Variants in JHY observed in about 807,000 individuals in gnomAD.
JHY encodes the protein jhy protein homolog.
A neutral mutation model predicts 78.0 loss-of-function variants in JHY; 69 were observed. The observed-to-expected ratio is 0.88, with a 90% CI of 0.73 to 1.08. JHY has a LOEUF of 1.08. JHY is among the 50% of genes least tolerant of loss of function. JHY has a pLI of 0.00. For synonymous variants in JHY, 368 were observed against 342.6 expected, an observed-to-expected ratio of 1.07 and a Z score of -0.82; for missense variants, 944 against 927.8, an observed-to-expected ratio of 1.02 and a Z score of -0.23.
At chr11:122,900,489 A>G (rs536580783) in intron 2 of JHY, among the ~76,000 whole-genome samples, 93 of 138,760 alleles carry the variant, frequency 6.7e-4, no homozygotes, top group African/African-American at 2.4e-3. Flanking sequence ...CAAAGAGGCC[A>G]TTAAATATGC....
intron 6 of JHY, among the ~76,000 whole-genome samples, chr11:122,954,794 A>G (rs1302275267): frequency 7.5e-6 from 1 of 132,708 alleles, no homozygotes; most frequent in East Asian, 2.1e-4. Flanking sequence ...ACCTGGCCTC[A>G]AACTAAATAA....
At chr11:122,957,556 CTTT>C (rs374289526) in intron 8 of JHY, 65 bp downstream of exon 8, 95,664 of 966,590 alleles carry the variant, frequency 0.099, 318 homozygotes, top group Middle Eastern at 0.11. Flanking sequence ...TTTATTATCG[CTTT>C]TTTTTTTTTT....
intron 2 of JHY, among the ~76,000 whole-genome samples, chr11:122,888,658 A>G (rs1862547227): frequency 6.6e-6 from 1 of 152,154 alleles, no homozygotes; most frequent in Non-Finnish European, 1.5e-5. Context: ...TGTATTACAG[A>G]TAAAGTTTCC....
intron 3 of JHY, among the ~76,000 whole-genome samples, chr11:122,924,339 C>CT: frequency 6.6e-6 from 1 of 152,252 alleles, no homozygotes; most frequent in South Asian, 2.1e-4. Context: ...TACTTACTAG[C>CT]TGTTGATCCT....
At chr11:122,890,956 A>G (rs1046200503) in intron 2 of JHY, among the ~76,000 whole-genome samples, 12 of 152,206 alleles carry the variant, frequency 7.9e-5, no homozygotes, top group Non-Finnish European at 1.3e-4. Flanking sequence ...TGCCTCAAAA[A>G]TATCATTCAG....
chr11:122,896,823 G>A (rs1862749169), intron 2 of JHY, among the ~76,000 whole-genome samples: 1 of 152,104 alleles, frequency 6.6e-6, no homozygotes, highest in Admixed American at 6.5e-5. Context: ...TGTGTGCCAG[G>A]GACACAGTTC....
rs74375838 is a variant in JHY at position 122,884,235 on chromosome 11, G to A, written c.-90+1263G>A. On this transcript the variant is annotated intron_variant, in intron 1 of 8. Coordinates refer to ENST00000227349, the MANE Select transcript of JHY (RefSeq NM_024806.4). ...ATATGAACGTTCCCTTTTGCCTGTT[G>A]TTTGTTAAGGTGCTTTCCTCCAAGG... 5.1e-4 allele frequency among the ~76,000 whole-genome samples: 77 copies of A among 152,264 alleles called. No individual in the cohort carries two copies. In the East Asian group the frequency reaches 0.012, roughly 24 times the overall value.
rs749746875 is a variant in JHY at position 122,924,896 on chromosome 11, G to A, written c.865-1G>A. The stretch of plus-strand genomic sequence containing the variant: ...ATGCTGTATGTGTTTTACCTACCTA[G>A]ATCTCCTACCCCGTCAGAGTAACAG... On this transcript the variant is annotated splice_acceptor_variant, in intron 3 of 8. Transcript: ENST00000227349. LOFTEE classifies it high-confidence loss of function. 27 of 1,610,188 alleles carry A rather than the reference G, an allele frequency of 1.7e-5. 1 individual carries two copies. In the Middle Eastern group the frequency reaches 1.5e-3, roughly 89 times the overall value.
chr11:122,916,002 C>T (rs1045081245), intron 3 of JHY, among the ~76,000 whole-genome samples: 1 of 149,290 alleles, frequency 6.7e-6, no homozygotes. Context: ...AGGTAAAAGG[C>T]AGAATGATAG....
Position 122,959,282 on chromosome 11 carries a change from A to G in JHY, c.2174A>G (p.Lys725Arg). ...TACGCTAAGACCATCCCCAAACCCAAACCATCAAATCTGACTCATCAAGCA... is the reference window on the plus strand; with the variant it reads ...TACGCTAAGACCATCCCCAAACCCAGACCATCAAATCTGACTCATCAAGCA... ...LEYAKTIPKP[K>R]PSNLTHQASK... is the part of the protein sequence containing the mutation. Residue 725 changes from lysine to arginine, a missense_variant, in exon 9 of 9, where the codon AAA (lysine) becomes AGA (arginine). Physicochemically the swap from Lys to Arg is conservative, Grantham distance 26. Transcript: ENST00000227349. 6.2e-7 allele frequency: 1 copy of G among 1,614,168 alleles called. No individual in the cohort carries two copies. The highest frequency in any genetic ancestry group is 8.5e-7 in the Non-Finnish European group (1 of 1,180,032).
chr11:122,904,786 G>A (rs1273586926), intron 3 of JHY, among the ~76,000 whole-genome samples: 1 of 152,114 alleles, frequency 6.6e-6, no homozygotes, highest in Non-Finnish European at 1.5e-5. Context: ...AAGAAATCTG[G>A]AACTTTTTAA....
At chr11:122,896,857 T>C (rs1810634305) in intron 2 of JHY, among the ~76,000 whole-genome samples, 1 of 152,124 alleles carries the variant, frequency 6.6e-6, no homozygotes, top group African/African-American at 2.4e-5. Flanking sequence ...GGTTTGTTTG[T>C]TTGTTTGTTT....
chr11:122,936,212 T>A (rs1484674435), intron 5 of JHY, among the ~76,000 whole-genome samples: 1 of 152,180 alleles, frequency 6.6e-6, no homozygotes, highest in East Asian at 1.9e-4. Context: ...CTGAATATAA[T>A]GCTACAGTGC....
chr11:122,918,814 G>A (rs961746679), intron 3 of JHY, among the ~76,000 whole-genome samples: 6 of 149,340 alleles, frequency 4.0e-5, no homozygotes, highest in Non-Finnish European at 7.4e-5. Context: ...AGTACCCGTA[G>A]AGCTATACAG....
At chr11:122,926,203 A>G (rs1425000403) in intron 4 of JHY, among the ~76,000 whole-genome samples, 13 of 89,668 alleles carry the variant, frequency 1.4e-4, no homozygotes, top group Admixed American at 1.0e-3. Flanking sequence ...AAAAAAAAAA[A>G]AAAGAAAAAA....
At chr11:122,905,404 A>C (rs1459889188) in intron 3 of JHY, 1 of 1,450,536 alleles carries the variant, frequency 6.9e-7, no homozygotes, top group African/African-American at 1.4e-5. Context: ...TACAAAGGAG[A>C]GGTTATTATG....
chr11:122,943,805 AT>A (rs1357302851), intron 5 of JHY, among the ~76,000 whole-genome samples: 1 of 152,004 alleles, frequency 6.6e-6, no homozygotes, highest in Non-Finnish European at 1.5e-5. Context: ...TATTTTTTCC[AT>A]CATCTTCAAA....
chr11:122,922,559 C>T (rs1863390670), intron 3 of JHY, among the ~76,000 whole-genome samples: 1 of 150,710 alleles, frequency 6.6e-6, no homozygotes, highest in African/African-American at 2.4e-5. Flanking sequence ...CGCCTGTAAT[C>T]CCAGCACTTT....
chr11:122,954,037 T>C (rs1401974429), intron 6 of JHY, among the ~76,000 whole-genome samples: 1 of 152,230 alleles, frequency 6.6e-6, no homozygotes, highest in Non-Finnish European at 1.5e-5. Context: ...GAATATTGCC[T>C]TCAGTGGGCA....
Sources: allele counts gnomAD v4.1 joint callset (sites outside exome capture counted in the v4.1 genomes callset), GRCh38; gene constraint gnomAD v4.1.1; transcripts MANE v1.5; gene names NCBI Gene and HGNC (gene_info 2026-07-23, HGNC 2026-07-21).